PAPLN: variants seen among roughly 807,000 people sequenced by gnomAD.
PAPLN encodes papilin, proteoglycan like sulfated glycoprotein.
PAPLN carries 146 observed loss-of-function variants against 159.0 expected under a neutral mutation model. The observed-to-expected ratio is 0.92, with a 90% CI of 0.80 to 1.05. The LOEUF (loss-of-function observed/expected upper bound fraction) is 1.05. Ranked by LOEUF, PAPLN falls within the 50% of genes least tolerant of loss-of-function variation. The pLI, the probability that PAPLN is intolerant of heterozygous loss-of-function variation, is 0.00. For synonymous variants in PAPLN, 734 were observed against 702.9 expected, an observed-to-expected ratio of 1.04 and a Z score of -0.70; for missense variants, 1,720 against 1,743.9, an observed-to-expected ratio of 0.99 and a Z score of 0.24.
chr14:73,265,753 C>T lies in PAPLN; in HGVS notation c.3263+246C>T, dbSNP rs1362371145. 1.3e-5 allele frequency among the ~76,000 whole-genome samples: 2 copies of T among 152,146 alleles called. No homozygotes were observed. Among genetic ancestry groups the T allele is most frequent in the Non-Finnish European group, 2.9e-5 (2 of 68,032 alleles). On this transcript the variant is annotated intron_variant, in intron 23 of 26. Coordinates refer to ENST00000644200, the MANE Select transcript of PAPLN (RefSeq NM_001365906.3). The surrounding 1 kb of genome is among the most constrained non-coding windows in gnomAD (Gnocchi z 4.1). ...AGAGGCCAGCTAACAGAGGTGATGA[C>T]GGAAGAAGAAAATGGAGTCAGAACA...
At position 73,265,889 on chromosome 14, in the gene PAPLN, T is replaced by TC. The variant is rs1031979291; in HGVS notation, c.3263+388dup. Among the ~76,000 whole-genome samples the TC allele has an allele frequency of 2.6e-5, 4 of 152,066 alleles. No individual in the cohort carries two copies. The highest frequency in any genetic ancestry group is 9.7e-5 in the African/African-American group (4 of 41,396). Reference sequence around the variant, plus strand: ...AAGCCATATTGAGCAGGTGCTGTTTTCCCCCCATTTTACACACAGAAGCTT... The same window carrying TC: ...AAGCCATATTGAGCAGGTGCTGTTTTCCCCCCCATTTTACACACAGAAGCTT... On this transcript the variant is annotated intron_variant, in intron 23 of 26. Coordinates refer to ENST00000644200, the MANE Select transcript of PAPLN (RefSeq NM_001365906.3). The surrounding 1 kb of genome is among the most constrained non-coding windows in gnomAD (Gnocchi z 4.1).
rs1481249333 is a variant in PAPLN, at chr14:73,265,008, G to A, written c.3125+282G>A. On this transcript the variant is annotated intron_variant, in intron 22 of 26. Transcript: ENST00000644200. This position sits in a 1 kb window ranked among gnomAD's most constrained non-coding sequence, Gnocchi z 4.1. Reference sequence around the variant, plus strand: ...AGCCGGCTTCTTTGAGGAGCGTCTTGAGCTGGCCTTGAGGAATGGTTCAGT... The same window carrying A: ...AGCCGGCTTCTTTGAGGAGCGTCTTAAGCTGGCCTTGAGGAATGGTTCAGT... Among the ~76,000 whole-genome samples the A allele has an allele frequency of 6.6e-6, 1 of 152,218 alleles. No homozygotes were observed. Among genetic ancestry groups the A allele is most frequent in the African/African-American group, 2.4e-5 (1 of 41,460 alleles).
Position 73,272,990 on chromosome 14 carries a change from T to G in PAPLN, c.*326T>G, listed in dbSNP as rs1222948734. On this transcript the variant is annotated 3_prime_UTR_variant, in exon 27 of 27. Coordinates refer to ENST00000644200, the MANE Select transcript of PAPLN (RefSeq NM_001365906.3). Reference sequence around the variant, plus strand: ...GGAATAGTTAAATGCATTTGTTTGTTTGTTTTTTGAGACAGAGTTTCACTC... The same window carrying G: ...GGAATAGTTAAATGCATTTGTTTGTGTGTTTTTTGAGACAGAGTTTCACTC... 5.2e-6 allele frequency: 1 copy of G among 192,932 alleles called. No homozygotes were observed. Among genetic ancestry groups the G allele is most frequent in the African/African-American group, 2.3e-5 (1 of 43,120 alleles). 12.0% of individuals were successfully genotyped at this position (192,932 alleles called of 1,614,324 possible).
upstream of PAPLN, among the ~76,000 whole-genome samples, chr14:73,236,361 G>T (rs1177344359): frequency 2.6e-5 from 4 of 152,168 alleles, no homozygotes; most frequent in Non-Finnish European, 4.4e-5. Flanking sequence ...CAGAAACCGA[G>T]GGAGCAGGAC....
intron 2 of PAPLN, chr14:73,242,993 C>G (rs116954592): frequency 3.3e-5 from 5 of 152,316 alleles, no homozygotes; most frequent in Non-Finnish European, 7.3e-5. Flanking sequence ...CAAGAGCCTG[C>G]TTTTCTTTTC....
At chr14:73,268,505 C>G in intron 25 of PAPLN, 52 bp from the exon 26 acceptor site, 1 of 1,557,114 alleles carries the variant, frequency 6.4e-7, no homozygotes, top group South Asian at 1.2e-5. Context: ...CCCTCTGTCT[C>G]CCAGACCTCC....
intron 16 of PAPLN, among the ~76,000 whole-genome samples, chr14:73,260,062 C>A (rs1886380348): frequency 1.3e-5 from 2 of 152,176 alleles, no homozygotes; most frequent in African/African-American, 4.8e-5. Flanking sequence ...CTTCTGGGCC[C>A]AGACTTTGTG....
At chr14:73,239,895 C>A in intron 2 of PAPLN, 63 bp downstream of exon 2, 1 of 1,487,038 alleles carries the variant, frequency 6.7e-7, no homozygotes, top group South Asian at 1.3e-5. Context: ...CGGGGACGCG[C>A]GGGCCCGCAG....
At position 73,246,082 on chromosome 14, in the gene PAPLN, G is replaced by C; in HGVS notation, c.241G>C (p.Asp81His). ...CCCCTCCGCCCCGCAGAGCTGCCCC[G>C]ACGGCGCCCGGGACTTCCGGGCCGA... Reference protein sequence around the residue: ...HRSCRTESCPDGARDFRAEQC... With the variant: ...HRSCRTESCPHGARDFRAEQC... Residue 81 changes from aspartate to histidine, a missense_variant, in exon 5 of 27, where the codon GAC becomes CAC. Physicochemically the swap from Asp to His is moderately conservative, Grantham distance 81. Transcript: ENST00000644200. The C allele has an allele frequency of 6.4e-7, 1 of 1,559,532 alleles. No individual in the cohort carries two copies. The highest frequency in any genetic ancestry group is 8.6e-7 in the Non-Finnish European group (1 of 1,157,046).
intron 26 of PAPLN, among the ~76,000 whole-genome samples, chr14:73,271,326 G>C (rs1420738275): frequency 6.6e-6 from 1 of 152,100 alleles, no homozygotes; most frequent in Admixed American, 6.6e-5. Flanking sequence ...ACGTTTGTAA[G>C]GTTGTTCGCT....
At chr14:73,257,383 A>G (rs752014774) in intron 14 of PAPLN, among the ~76,000 whole-genome samples, 8 of 143,596 alleles carry the variant, frequency 5.6e-5, no homozygotes, top group Non-Finnish European at 1.1e-4. Flanking sequence ...AAGCACTCAG[A>G]GCAACTTTCA....
intron 14 of PAPLN, 70 bp downstream of exon 14, chr14:73,255,088 A>C: frequency 6.5e-7 from 1 of 1,540,966 alleles, no homozygotes; most frequent in Non-Finnish European, 8.8e-7. Flanking sequence ...CCCAGCAAGC[A>C]TGTCCTGCCT....
chr14:73,247,538 T>C (rs546054538), intron 5 of PAPLN, among the ~76,000 whole-genome samples: 38 of 136,070 alleles, frequency 2.8e-4, no homozygotes, highest in Non-Finnish European at 5.9e-4. Context: ...GTGTGTGTTG[T>C]GGGGATCGTG....
At position 73,245,484 on chromosome 14, in the gene PAPLN, TG is replaced by T; in HGVS notation, c.171-147del. On this transcript the variant is annotated intron_variant, in intron 3 of 26. Coordinates refer to ENST00000644200, the MANE Select transcript of PAPLN (RefSeq NM_001365906.3). The surrounding 1 kb of genome is among the most constrained non-coding windows in gnomAD (Gnocchi z 4.2). The stretch of plus-strand genomic sequence containing the variant: ...CCAACATGGGTCGCTCACTCCCACC[TG>T]GGGGATTTACGGGGTGGGGTCGGGG... 1 of 790,044 alleles carries T rather than the reference TG, an allele frequency of 1.3e-6. No individual in the cohort carries two copies. The highest frequency in any genetic ancestry group is 2.0e-6 in the Non-Finnish European group (1 of 502,680). 48.9% of individuals were successfully genotyped at this position (790,044 alleles called of 1,614,324 possible). A position where few individuals can be genotyped will look rare whatever the true frequency, so the allele number is the denominator to read the frequency against.
At chr14:73,264,450 G>C (rs1224867091) in intron 21 of PAPLN, 115 bp downstream of exon 21, 9 of 1,524,522 alleles carry the variant, frequency 5.9e-6, no homozygotes, top group South Asian at 1.3e-5. Context: ...GTGTCTCTCT[G>C]AGTCAATTCC....
At chr14:73,268,102 A>T (rs1342548714) in intron 25 of PAPLN, among the ~76,000 whole-genome samples, 1 of 151,660 alleles carries the variant, frequency 6.6e-6, no homozygotes, top group African/African-American at 2.4e-5. Flanking sequence ...CTCCTTCTTG[A>T]AATTCTCCCT....
At position 73,266,492 on chromosome 14, in the gene PAPLN, G is replaced by C; in HGVS notation, c.3264-9G>C. ...GGGCTGGAGCCAACTGGCTGTACTT[G>C]GTCCCCAGACACCAGCTGCAGCCTG... On this transcript the variant is annotated splice_polypyrimidine_tract_variant and intron_variant, in intron 23 of 26. Transcript: ENST00000644200. 6.2e-7 allele frequency: 1 copy of C among 1,613,604 alleles called. No individual in the cohort carries two copies. The highest frequency in any genetic ancestry group is 8.5e-7 in the Non-Finnish European group (1 of 1,179,794).
rs949233950 is a variant in PAPLN at position 73,274,143 on chromosome 14, C to A, written c.*1479C>A. 1 of 152,194 alleles carries A rather than the reference C, an allele frequency of 6.6e-6. No homozygotes were observed. The highest frequency in any genetic ancestry group is 2.4e-5 in the African/African-American group (1 of 41,432). The allele number at this position is 152,194 out of a possible 1,614,324, so 9.4% of individuals were successfully genotyped here. On this transcript the variant is annotated 3_prime_UTR_variant, in exon 27 of 27. Coordinates refer to ENST00000644200, the MANE Select transcript of PAPLN (RefSeq NM_001365906.3). Reference sequence around the variant, plus strand: ...TGTCAGTCATTAAAAACAGCATTAGCAGGATGAGGATAGCAATGGGGAAGG... The same window carrying A: ...TGTCAGTCATTAAAAACAGCATTAGAAGGATGAGGATAGCAATGGGGAAGG...
In PAPLN at chr14:73,272,817, A is replaced by T; in HGVS notation, c.*153A>T. 6.8e-6 allele frequency: 5 copies of T among 735,328 alleles called. No individual in the cohort carries two copies. Among genetic ancestry groups the T allele is most frequent in the Non-Finnish European group, 9.6e-6 (5 of 518,638 alleles). 45.6% of individuals were successfully genotyped at this position (735,328 alleles called of 1,614,324 possible). On this transcript the variant is annotated 3_prime_UTR_variant, in exon 27 of 27. Coordinates refer to ENST00000644200, the MANE Select transcript of PAPLN (RefSeq NM_001365906.3). ...AAAAACCCACCCAGTGTTTAGCCTC[A>T]ACGGCAGCCAGTTACCAGCTTCTCT...
Sources: gnomAD v4.1 joint callset for allele counts (sites outside exome capture counted in the v4.1 genomes callset) on GRCh38, gnomAD v4.1.1 for gene constraint, Gnocchi (gnomAD v3.1) non-coding constraint, MANE v1.5 for transcripts, NCBI Gene and HGNC (gene_info 2026-07-23, HGNC 2026-07-21) for gene names.